Variants in SLC27A6 observed in about 807,000 individuals in gnomAD.
SLC27A6 encodes the protein long-chain fatty acid transport protein 6.
Under a neutral mutation model 63.9 loss-of-function variants are expected in SLC27A6, and 74 were observed. The ratio of observed to expected loss-of-function variants is 1.16; its 90% CI spans 0.96 to 1.40. The LOEUF (loss-of-function observed/expected upper bound fraction) is 1.40, where lower values mean the gene tolerates loss of function less well. Among genes scored for constraint, SLC27A6 ranks in the 40% most tolerant of loss-of-function variants. SLC27A6 has a pLI of 0.00. For synonymous variants in SLC27A6, 287 were observed against 260.8 expected, an observed-to-expected ratio of 1.10 and a Z score of -0.97; for missense variants, 794 against 732.9, an observed-to-expected ratio of 1.08 and a Z score of -0.96.
intron 4 of SLC27A6, among the ~76,000 whole-genome samples, chr5:128,994,598 C>G (rs115240031): frequency 1.3e-5 from 2 of 152,124 alleles, no homozygotes; most frequent in African/African-American, 2.4e-5. Flanking sequence ...TGGTCCAGGT[C>G]CTTACCTTCA....
rs751221451 is a variant in SLC27A6 at position 128,966,588 on chromosome 5, T to A, written c.451T>A (p.Cys151Ser). The change falls in exon 1 of 10, where the codon TGT (cysteine) becomes AGT (serine). Residue 151 changes from cysteine to serine, a missense_variant. Coordinates refer to ENST00000262462, the MANE Select transcript of SLC27A6 (RefSeq NM_001017372.3). ...CTCCCTCCTGAATTGCATCCGCGCC[T>A]GTGGGCCCAGAGCCCTAGTGGTGGG... is the stretch of plus-strand genomic sequence containing the variant. ...SNSLLNCIRA[C>S]GPRALVVGAD... is the part of the protein sequence containing the mutation. 1.5e-5 allele frequency: 23 copies of A among 1,542,142 alleles called. No individual in the cohort carries two copies. The highest frequency in any genetic ancestry group is 9.5e-6 in the Non-Finnish European group (11 of 1,152,250).
At chr5:129,015,786 C>T (rs1364551312) in intron 4 of SLC27A6, 99 bp from the exon 5 acceptor site, 1 of 801,010 alleles carries the variant, frequency 1.2e-6, no homozygotes, top group East Asian at 2.8e-5. Context: ...TGTTATTGCA[C>T]ATATGCAGTT....
chr5:129,013,487 G>A (rs1050447653), intron 4 of SLC27A6, among the ~76,000 whole-genome samples: 1 of 152,010 alleles, frequency 6.6e-6, no homozygotes, highest in African/African-American at 2.4e-5. Flanking sequence ...CCAGGCTTAC[G>A]GTCATTGTTG....
chr5:128,994,778 G>A (rs1263681913), intron 4 of SLC27A6, among the ~76,000 whole-genome samples: 1 of 152,200 alleles, frequency 6.6e-6, no homozygotes, highest in African/African-American at 2.4e-5. Flanking sequence ...CAGAATGTGA[G>A]TTGAATGTTT....
At chr5:128,970,200 A>C (rs1227029310) in intron 1 of SLC27A6, among the ~76,000 whole-genome samples, 5 of 145,622 alleles carry the variant, frequency 3.4e-5, no homozygotes, top group African/African-American at 1.2e-4. Context: ...ATCAGTGTTC[A>C]TCAAGGATAT....
intron 3 of SLC27A6, among the ~76,000 whole-genome samples, chr5:128,988,970 G>T (rs574740321): frequency 6.6e-6 from 1 of 152,070 alleles, no homozygotes; most frequent in African/African-American, 2.4e-5. Context: ...TGAGGATTTG[G>T]CCATGTGGTC....
chr5:129,028,393 A>G lies in SLC27A6; in HGVS notation c.1503A>G (p.Gly501=), dbSNP rs769905161. ...VATTEVADVI[G]MLDFIQEANV... ...CCACTGAGGTTGCTGATGTTATTGG[A>G]ATGTTGGATTTCATACAGGAAGCAA... The change falls in exon 8 of 10, where the codon GGA becomes GGG. Residue 501 remains glycine (G), a synonymous_variant. Coordinates refer to ENST00000262462, the MANE Select transcript of SLC27A6 (RefSeq NM_001017372.3). The G allele has an allele frequency of 1.2e-6, 2 of 1,611,002 alleles. No homozygotes were observed. Among genetic ancestry groups the G allele is most frequent in the Non-Finnish European group, 1.7e-6 (2 of 1,177,770 alleles).
chr5:129,020,092 A>G (rs1752025683), intron 5 of SLC27A6, among the ~76,000 whole-genome samples: 1 of 152,132 alleles, frequency 6.6e-6, no homozygotes, highest in Non-Finnish European at 1.5e-5. Context: ...TGTAACACAG[A>G]TGAGGGTGGG....
intron 3 of SLC27A6, among the ~76,000 whole-genome samples, chr5:128,989,387 A>C (rs1279045696): frequency 6.6e-6 from 1 of 152,146 alleles, no homozygotes; most frequent in Non-Finnish European, 1.5e-5. Flanking sequence ...CAGTTTCTAG[A>C]CCTCACATAA....
chr5:128,983,489 T>A (rs1750685487), intron 1 of SLC27A6, among the ~76,000 whole-genome samples: 1 of 151,988 alleles, frequency 6.6e-6, no homozygotes, highest in African/African-American at 2.4e-5. Flanking sequence ...GAGATGGGGT[T>A]TCACCATGTT....
In SLC27A6 at chr5:128,988,617, G is replaced by C; in HGVS notation, c.703G>C (p.Val235Leu). 1.9e-6 allele frequency: 3 copies of C among 1,613,968 alleles called. No individual in the cohort carries two copies. Among genetic ancestry groups the C allele is most frequent in the Non-Finnish European group, 8.5e-7 (1 of 1,179,944 alleles). The change falls in exon 3 of 10, where the codon GTG becomes CTG. Residue 235 changes from valine (V) to leucine (L), a missense_variant. Transcript: ENST00000262462. ...TCTTCCAGGTCTACCAAAAGCAGCT[G>C]TGATTAGTCAGCTGCAGGTTTTAAG... ...SGTTGLPKAA[V>L]ISQLQVLRGS...
chr5:128,996,004 CTG>C (rs1161392943), intron 4 of SLC27A6, among the ~76,000 whole-genome samples: 8 of 149,824 alleles, frequency 5.3e-5, no homozygotes, highest in Non-Finnish European at 1.2e-4. Flanking sequence ...ATGAAGAAAA[CTG>C]AGATTCGAGG....
At chr5:128,966,799 C>G (rs891950847) in intron 1 of SLC27A6, among the ~76,000 whole-genome samples, 181 bp downstream of exon 1, 1 of 152,116 alleles carries the variant, frequency 6.6e-6, no homozygotes, top group African/African-American at 2.4e-5. Flanking sequence ...CCTTCAGGCA[C>G]GTAGTTTCAG....
chr5:128,991,699 A>G (rs996535355), intron 4 of SLC27A6, among the ~76,000 whole-genome samples: 2 of 151,920 alleles, frequency 1.3e-5, no homozygotes, highest in African/African-American at 4.8e-5. Context: ...ATATTAGGAT[A>G]TCTTTTTGTT....
At chr5:129,014,141 A>G (rs1459130426) in intron 4 of SLC27A6, among the ~76,000 whole-genome samples, 2 of 152,202 alleles carry the variant, frequency 1.3e-5, no homozygotes, top group Non-Finnish European at 2.9e-5. Flanking sequence ...ATCTTTTAGT[A>G]TGTAGACTTT....
chr5:129,022,728 G>A (rs556498790), intron 5 of SLC27A6, among the ~76,000 whole-genome samples: 2 of 152,268 alleles, frequency 1.3e-5, no homozygotes, highest in South Asian at 2.1e-4. Context: ...GGAGGGATAA[G>A]GTGGTAGGAT....
intron 4 of SLC27A6, among the ~76,000 whole-genome samples, chr5:128,993,063 T>C (rs1751033123): frequency 6.6e-6 from 1 of 152,240 alleles, no homozygotes; most frequent in African/African-American, 2.4e-5. Context: ...TGAATGTAAA[T>C]AGCCAAAGTA....
intron 5 of SLC27A6, among the ~76,000 whole-genome samples, chr5:129,017,529 A>T (rs1177159853): frequency 6.6e-6 from 1 of 152,136 alleles, no homozygotes; most frequent in East Asian, 1.9e-4. Context: ...AAAGGAAGGA[A>T]ATAATAAAGA....
intron 5 of SLC27A6, among the ~76,000 whole-genome samples, chr5:129,023,125 C>T (rs987469460): frequency 2.0e-5 from 3 of 151,564 alleles, no homozygotes; most frequent in Admixed American, 6.6e-5. Context: ...AAGTGGCTGT[C>T]AAGTAAACAT....
Sources: gnomAD v4.1 joint callset for allele counts (sites outside exome capture counted in the v4.1 genomes callset) on GRCh38, gnomAD v4.1.1 for gene constraint, MANE v1.5 for transcripts, NCBI Gene and HGNC (gene_info 2026-07-23, HGNC 2026-07-21) for gene names.